Variants in ZNF556 observed in about 807,000 individuals in gnomAD.
The protein encoded by ZNF556 is zinc finger protein 556.
Under a neutral mutation model 13.6 loss-of-function variants are expected in ZNF556, and 11 were observed. The ratio of observed to expected loss-of-function variants is 0.81; its 90% confidence interval spans 0.51 to 1.33. The LOEUF is 1.33. Among genes scored for constraint, ZNF556 ranks in the 40% most tolerant of loss-of-function variants. ZNF556 has a pLI of 0.00. For synonymous variants in ZNF556, 229 were observed against 207.8 expected (o/e 1.10, Z -0.88); for missense variants, 633 against 566.2 (o/e 1.12, Z -1.20).
intron 1 of ZNF556, among the ~76,000 whole-genome samples, chr19:2,871,755 CAAAG>C (rs1006923092): frequency 4.6e-5 from 7 of 152,208 alleles, no homozygotes; most frequent in African/African-American, 1.4e-4. Context: ...AGACACAAGA[CAAAG>C]AGATAAAAGA....
At chr19:2,873,394 C>T in intron 1 of ZNF556, 102 bp from the exon 2 acceptor site, 1 of 1,378,470 alleles carries the variant, frequency 7.3e-7, no homozygotes, top group Non-Finnish European at 1.0e-6. Context: ...TAGATATTGG[C>T]AGACTGCAGG....
intron 2 of ZNF556, chr19:2,875,585 C>T (rs1172114345): frequency 1.3e-5 from 2 of 158,698 alleles, no homozygotes; most frequent in Admixed American, 1.3e-4. Context: ...CCACCACCTT[C>T]CAGACACATT....
In ZNF556 at chr19:2,882,267, AAAT is replaced by A. The variant is rs2087909620; in HGVS notation, c.*3940_*3942del. On this transcript the variant is annotated 3_prime_UTR_variant, in exon 4 of 4. Coordinates refer to ENST00000307635, the MANE Select transcript of ZNF556 (RefSeq NM_024967.3). ...CCGGTGAAACCCTGTCTCTAGTAAA[AAAT>A]ACAAAAAATTAGCTGGGCGTGGTGG... 1 of 151,770 alleles carries A rather than the reference AAAT, an allele frequency of 6.6e-6. No homozygotes were observed. The highest frequency in any genetic ancestry group is 2.4e-5 in the African/African-American group (1 of 41,302). 9.4% of individuals were successfully genotyped at this position (151,770 alleles called of 1,614,324 possible). A position where few individuals can be genotyped will look rare whatever the true frequency, so the allele number is the denominator to read the frequency against.
At chr19:2,875,462 G>A (rs2087843444) in intron 2 of ZNF556, 1 of 150,246 alleles carries the variant, frequency 6.7e-6, no homozygotes, top group African/African-American at 2.6e-5. Flanking sequence ...CAAAGTGCCA[G>A]GATTACAGGC....
At chr19:2,867,603 G>T (rs2087766831) in intron 1 of ZNF556, among the ~76,000 whole-genome samples, 179 bp downstream of exon 1, 1 of 151,124 alleles carries the variant, frequency 6.6e-6, no homozygotes, top group South Asian at 2.1e-4. Context: ...TCATTCCCTG[G>T]AAAGTCGTAG....
At position 2,880,889 on chromosome 19, in the gene ZNF556, G is replaced by A. The variant is rs886143341; in HGVS notation, c.*2560G>A. 4.7e-5 allele frequency: 6 copies of A among 126,662 alleles called. No individual in the cohort carries two copies. The highest frequency in any genetic ancestry group is 1.8e-4 in the African/African-American group (6 of 33,416). 7.8% of individuals were successfully genotyped at this position (126,662 alleles called of 1,614,324 possible). ...AAGAAATTCTTTTTTTTTTTTTTGA[G>A]ACAGATTCTCGCTCTGTTACCCAGG... On this transcript the variant is annotated 3_prime_UTR_variant, in exon 4 of 4. Coordinates refer to ENST00000307635, the MANE Select transcript of ZNF556 (RefSeq NM_024967.3).
At chr19:2,874,032 G>A (rs2087828275) in intron 2 of ZNF556, among the ~76,000 whole-genome samples, 3 of 152,136 alleles carry the variant, frequency 2.0e-5, no homozygotes, top group Non-Finnish European at 2.9e-5. Context: ...CAAGGCGGGT[G>A]GATTGCCTGA....
intron 2 of ZNF556, among the ~76,000 whole-genome samples, chr19:2,874,144 C>G (rs935766772): frequency 2.0e-5 from 3 of 152,034 alleles, no homozygotes; most frequent in African/African-American, 7.2e-5. Context: ...GTAATCCCAG[C>G]TACTCGGGAG....
Position 2,880,170 on chromosome 19 carries a change from A to G in ZNF556, c.*1841A>G, listed in dbSNP as rs2087894209. On this transcript the variant is annotated 3_prime_UTR_variant, in exon 4 of 4. Coordinates refer to ENST00000307635, the MANE Select transcript of ZNF556 (RefSeq NM_024967.3). ...GAAAGACAATACTGGCTTATCAGGT[A>G]AACTCTGGAAATTTCCTGTCACATA... 2 of 152,228 alleles carry G rather than the reference A, an allele frequency of 1.3e-5. No individual in the cohort carries two copies. Among genetic ancestry groups the G allele is most frequent in the African/African-American group, 4.8e-5 (2 of 41,460 alleles). 9.4% of individuals were successfully genotyped at this position (152,228 alleles called of 1,614,324 possible). A position where few individuals can be genotyped will look rare whatever the true frequency, so the allele number is the denominator to read the frequency against.
intron 1 of ZNF556, among the ~76,000 whole-genome samples, chr19:2,872,818 C>CAAA (rs770269518): frequency 2.7e-5 from 2 of 75,068 alleles, no homozygotes; most frequent in Non-Finnish European, 2.9e-5. Context: ...GACTCCATCT[C>CAAA]AAAAAAAAAA....
intron 2 of ZNF556, among the ~76,000 whole-genome samples, chr19:2,873,862 C>T (rs2087826621): frequency 6.6e-6 from 1 of 151,930 alleles, no homozygotes; most frequent in Non-Finnish European, 1.5e-5. Flanking sequence ...GAGGCTGAGG[C>T]AGGAGAATCG....
intron 1 of ZNF556, among the ~76,000 whole-genome samples, chr19:2,872,052 C>T (rs1599578478): frequency 6.6e-6 from 1 of 152,298 alleles, no homozygotes; most frequent in African/African-American, 2.4e-5. Flanking sequence ...TAATTTGCTA[C>T]TGCTATCTAG....
intron 2 of ZNF556, chr19:2,875,103 T>C: frequency 6.4e-6 from 1 of 156,004 alleles, no homozygotes; most frequent in East Asian, 1.8e-4. Flanking sequence ...CCACCAGGAG[T>C]TACTGTGTTG....
At chr19:2,875,560 CA>C in intron 2 of ZNF556, 1 of 166,468 alleles carries the variant, frequency 6.0e-6, no homozygotes. Flanking sequence ...TATAGGCAGC[CA>C]AAATGGCCTT....
In ZNF556 at chr19:2,877,394, C is replaced by T. The variant is rs138176298; in HGVS notation, c.436C>T (p.Arg146Trp). ...CAAGAATTGTTGTACTAGTGTAAGA[C>T]GGTACGAATGCAGTCAGTGTGGAAA... ...LRKNCCTSVRRYECSQCGKLF... is the reference protein window; with the variant it reads ...LRKNCCTSVRWYECSQCGKLF... The change falls in exon 4 of 4, where the codon CGG becomes TGG. Residue 146 changes from arginine to tryptophan, a missense_variant. Physicochemically the swap from Arg to Trp is moderately radical, Grantham distance 101. Coordinates refer to ENST00000307635, the MANE Select transcript of ZNF556 (RefSeq NM_024967.3). 6.6e-4 allele frequency: 1,072 copies of T among 1,614,098 alleles called. 1 individual carries two copies. Among genetic ancestry groups the T allele is most frequent in the Non-Finnish European group, 7.7e-4 (906 of 1,180,020 alleles).
chr19:2,870,617 C>G (rs562656078), intron 1 of ZNF556, among the ~76,000 whole-genome samples: 5 of 152,012 alleles, frequency 3.3e-5, no homozygotes, highest in Non-Finnish European at 4.4e-5. Context: ...CGTGGTGGCA[C>G]ACGCCTGTAA....
intron 2 of ZNF556, 87 bp from the exon 3 acceptor site, chr19:2,876,006 A>G: frequency 9.3e-7 from 1 of 1,073,020 alleles, no homozygotes; most frequent in South Asian, 1.5e-5. Context: ...AAATCACATA[A>G]TGAAGTCATG....
Position 2,877,687 on chromosome 19 carries a change from C to G in ZNF556, c.729C>G (p.Pro243=), listed in dbSNP as rs556698921. The G allele has an allele frequency of 1.1e-5, 17 of 1,614,052 alleles. 1 individual carries two copies. The South Asian group carries it at 1.6e-4, about 16-fold the overall frequency. ...CGQCGKGFSC[P]KSFRAHVMMH... ...AGTGTGGGAAAGGCTTCAGTTGTCC[C>G]AAATCCTTTCGCGCACATGTGATGA... The change falls in exon 4 of 4, where the codon CCC becomes CCG. Residue 243 remains proline (P), a synonymous_variant. Coordinates refer to ENST00000307635, the MANE Select transcript of ZNF556 (RefSeq NM_024967.3).
intron 2 of ZNF556, among the ~76,000 whole-genome samples, chr19:2,874,758 A>AAAAAAAAAAAAAAAAG (rs1555725942): frequency 3.1e-5 from 4 of 130,734 alleles, no homozygotes; most frequent in Admixed American, 8.9e-5. Flanking sequence ...AAAAAAAAAA[A>AAAAAAAAAAAAAAAAG]AAAGAAAGAA....
Sources: gnomAD v4.1 joint callset for allele counts (sites outside exome capture counted in the v4.1 genomes callset) on GRCh38, gnomAD v4.1.1 for gene constraint, MANE v1.5 for transcripts, NCBI Gene and HGNC (gene_info 2026-07-23, HGNC 2026-07-21) for gene names.